Variants in TNR observed in about 807,000 individuals in gnomAD.
TNR encodes tenascin R, also known as tenascin-R.
In TNR, 45 loss-of-function variants were observed where a neutral mutation model predicts 150.4. That is an observed-to-expected ratio of 0.30 (90% CI 0.24 to 0.38). The LOEUF is 0.38. Ranked by LOEUF, TNR falls within the 10% of genes least tolerant of loss-of-function variation. TNR has a pLI of 1.00. For missense variants in TNR, 1,544 were observed against 1,759.1 expected (o/e 0.88, Z 2.19); for synonymous variants, 687 against 678.4 (o/e 1.01, Z -0.20).
intron 2 of TNR, among the ~76,000 whole-genome samples, chr1:175,456,430 G>A (rs1260084316): frequency 6.6e-6 from 1 of 152,180 alleles, no homozygotes; most frequent in East Asian, 1.9e-4. Flanking sequence ...TACAATGCAA[G>A]TTCCACAAAG....
At position 175,366,156 on chromosome 1, in the gene TNR, T is replaced by C. The variant is rs1235361193; in HGVS notation, c.2054-18A>G. 1.9e-6 allele frequency: 3 copies of C among 1,573,546 alleles called. No individual in the cohort carries two copies. The Admixed American group carries it at 5.4e-5, about 28-fold the overall frequency. On this transcript the variant is annotated intron_variant, in intron 10 of 22. Coordinates refer to ENST00000367674, the MANE Select transcript of TNR (RefSeq NM_003285.3). ...GTCAAGTTCTGTGGATTGACATAAA[T>C]GGCCTATTTTACATGTGTTCCCCTG...
At chr1:175,673,634 G>A (rs1358220011) in intron 1 of TNR, among the ~76,000 whole-genome samples, 1 of 152,234 alleles carries the variant, frequency 6.6e-6, no homozygotes, top group Non-Finnish European at 1.5e-5. Flanking sequence ...GCGGATGAAT[G>A]AGTCTTGCTT....
intron 1 of TNR, among the ~76,000 whole-genome samples, chr1:175,558,291 C>G (rs1661272480): frequency 6.6e-6 from 1 of 151,862 alleles, no homozygotes; most frequent in South Asian, 2.1e-4. Flanking sequence ...AAAAAGATAG[C>G]CATTCTATCT....
chr1:175,733,289 C>T (rs1482020136), intron 1 of TNR, among the ~76,000 whole-genome samples: 1 of 152,194 alleles, frequency 6.6e-6, no homozygotes, highest in Non-Finnish European at 1.5e-5. Flanking sequence ...CAGAGGCCCA[C>T]AGGACCCCCC....
intron 11 of TNR, among the ~76,000 whole-genome samples, 188 bp downstream of exon 11, chr1:175,365,687 C>A (rs1217703394): frequency 6.6e-6 from 1 of 152,162 alleles, no homozygotes; most frequent in Non-Finnish European, 1.5e-5. Context: ...CACTATTGCT[C>A]ACCTCCCCTC....
intron 2 of TNR, among the ~76,000 whole-genome samples, chr1:175,433,395 G>A (rs1655359435): frequency 6.6e-6 from 1 of 152,188 alleles, no homozygotes. Context: ...GCACCATCAT[G>A]TTAGATGGCT....
chr1:175,478,127 T>C (rs1440844370), intron 2 of TNR, among the ~76,000 whole-genome samples: 2 of 152,226 alleles, frequency 1.3e-5, no homozygotes, highest in Non-Finnish European at 2.9e-5. Context: ...TTTGGGGTTA[T>C]GTGTAATTGC....
intron 2 of TNR, among the ~76,000 whole-genome samples, chr1:175,454,590 G>C (rs1409674449): frequency 6.6e-6 from 1 of 152,204 alleles, no homozygotes; most frequent in African/African-American, 2.4e-5. Context: ...TCCTGCCTCA[G>C]CCTCTGGAGT....
rs894136934 is a variant in TNR, at chr1:175,367,327, T to C, written c.1964-30A>G. On this transcript the variant is annotated intron_variant, in intron 9 of 22. Coordinates refer to ENST00000367674, the MANE Select transcript of TNR (RefSeq NM_003285.3). ...CAGTGGATGGAGAAACAAACATTAT[T>C]CTGTGTATGGGGCAGGGCTAGGAAG... 1.2e-5 allele frequency: 19 copies of C among 1,591,074 alleles called. No individual in the cohort carries two copies. The African/African-American group carries it at 2.2e-4, about 18-fold the overall frequency.
At chr1:175,709,792 C>A (rs891789145) in intron 1 of TNR, among the ~76,000 whole-genome samples, 1 of 152,002 alleles carries the variant, frequency 6.6e-6, no homozygotes, top group Non-Finnish European at 1.5e-5. Context: ...GAGCACCCTA[C>A]TGCTTCATTC....
Position 175,406,271 on chromosome 1 carries a change from C to A in TNR, c.444G>T (p.Val148=). The change falls in exon 3 of 23, where the codon GTG becomes GTT. Residue 148 remains valine (V), a synonymous_variant. Coordinates refer to ENST00000367674, the MANE Select transcript of TNR (RefSeq NM_003285.3). ...LSRIEMLERE[V]SVLRDQCNAN... is the part of the protein sequence containing the mutation. ...CGTTGCACTGGTCTCGCAGCACCGA[C>A]ACCTCCCTCTCCAGCATCTCGATCC... 6.2e-7 allele frequency: 1 copy of A among 1,614,226 alleles called. No individual in the cohort carries two copies. The highest frequency in any genetic ancestry group is 8.5e-7 in the Non-Finnish European group (1 of 1,180,046).
intron 1 of TNR, among the ~76,000 whole-genome samples, chr1:175,608,528 C>T (rs1339045518): frequency 6.6e-6 from 1 of 152,094 alleles, no homozygotes; most frequent in African/African-American, 2.4e-5. Context: ...AGGCAAAAGG[C>T]TGGATTTTAC....
intron 1 of TNR, among the ~76,000 whole-genome samples, chr1:175,593,559 T>C (rs75436142): frequency 0.17 from 25,308 of 152,104 alleles, 3,247 homozygotes; most frequent in African/African-American, 0.35. Flanking sequence ...TTAGGAGTCA[T>C]AAGTTTTGGA....
At chr1:175,661,861 C>T (rs1571726518) in intron 1 of TNR, among the ~76,000 whole-genome samples, 1 of 144,780 alleles carries the variant, frequency 6.9e-6, no homozygotes, top group East Asian at 2.2e-4. Context: ...CTTTGCCGCA[C>T]CCCTCTTTCT....
At chr1:175,586,104 TCAG>T (rs1023077727) in intron 1 of TNR, among the ~76,000 whole-genome samples, 1 of 152,118 alleles carries the variant, frequency 6.6e-6, no homozygotes, top group African/African-American at 2.4e-5. Flanking sequence ...TGGAAGAATA[TCAG>T]CAGAATAATG....
intron 18 of TNR, among the ~76,000 whole-genome samples, chr1:175,343,629 T>A (rs1650631919): frequency 6.6e-6 from 1 of 152,194 alleles, no homozygotes; most frequent in South Asian, 2.1e-4. Flanking sequence ...GACAGTATAA[T>A]CATCTGGCTC....
chr1:175,597,384 C>G (rs1421189271), intron 1 of TNR, among the ~76,000 whole-genome samples: 1 of 152,222 alleles, frequency 6.6e-6, no homozygotes, highest in Non-Finnish European at 1.5e-5. Context: ...TGTCCTGGCA[C>G]AGCTTCCAGA....
At chr1:175,354,310 A>G (rs2301432) in intron 18 of TNR, 81 bp downstream of exon 18, 1,201,029 of 1,547,006 alleles carry the variant, frequency 0.78, 467,384 homozygotes, top group East Asian at 0.83. Context: ...CTGCTCCCAG[A>G]GCAAGTCTCA....
At chr1:175,564,492 G>C (rs987304634) in intron 1 of TNR, among the ~76,000 whole-genome samples, 3 of 152,156 alleles carry the variant, frequency 2.0e-5, no homozygotes, top group African/African-American at 7.2e-5. Context: ...TATATCAAAT[G>C]GTACCTAGAG....
Sources: allele counts gnomAD v4.1 joint callset (sites outside exome capture counted in the v4.1 genomes callset), GRCh38; gene constraint gnomAD v4.1.1; transcripts MANE v1.5; gene names NCBI Gene and HGNC (gene_info 2026-07-23, HGNC 2026-07-21).